Variants in ZNF567 observed in about 807,000 individuals in gnomAD.
The protein encoded by ZNF567 is zinc finger protein 567.
A neutral mutation model predicts 53.9 loss-of-function variants in ZNF567; 36 were observed. The ratio of observed to expected loss-of-function variants is 0.67; its 90% confidence interval spans 0.51 to 0.88. ZNF567 has a LOEUF of 0.88. ZNF567 is among the 40% of genes least tolerant of loss of function. The pLI is 0.00. For missense variants in ZNF567, 619 were observed against 764.7 expected (o/e 0.81, Z 2.25); for synonymous variants, 224 against 260.4 (o/e 0.86, Z 1.35).
chr19:36,717,385 A>C (rs776148941), intron 5 of ZNF567, among the ~76,000 whole-genome samples: 20 of 152,204 alleles, frequency 1.3e-4, no homozygotes, highest in Admixed American at 3.3e-4. Flanking sequence ...AATAGAAATA[A>C]ACCTGGAAGG....
chr19:36,685,313 T>C (rs940420234), upstream of ZNF567: 3 of 152,076 alleles, frequency 2.0e-5, no homozygotes, highest in African/African-American at 7.3e-5. Context: ...GAGACCAAAT[T>C]GGCTAGTTAA....
chr19:36,682,518 A>G, the ZNF567 span, among the ~76,000 whole-genome samples: 1 of 150,996 alleles, frequency 6.6e-6, no homozygotes, highest in Non-Finnish European at 1.5e-5. Context: ...GGGAAGAGAT[A>G]TGAGGGAGCC....
chr19:36,721,479 AT>A (rs2145930499), downstream of ZNF567, among the ~76,000 whole-genome samples: 1 of 152,244 alleles, frequency 6.6e-6, no homozygotes, highest in African/African-American at 2.4e-5. Flanking sequence ...CGGCTTTATA[AT>A]TGTGAGAAGG....
chr19:36,701,882 G>T (rs1481359823), intron 3 of ZNF567, among the ~76,000 whole-genome samples: 2 of 146,836 alleles, frequency 1.4e-5, no homozygotes, highest in Non-Finnish European at 3.0e-5. Flanking sequence ...TATCCAATTT[G>T]CCAGTCTGTG....
chr19:36,698,387 G>A (rs1454700680), intron 3 of ZNF567, among the ~76,000 whole-genome samples: 2 of 151,782 alleles, frequency 1.3e-5, no homozygotes, highest in Non-Finnish European at 2.9e-5. Flanking sequence ...GTAAACATAC[G>A]TGTGCATGTG....
chr19:36,723,845 A>G (rs1467886422), downstream of ZNF567, among the ~76,000 whole-genome samples: 2 of 152,112 alleles, frequency 1.3e-5, no homozygotes, highest in Non-Finnish European at 2.9e-5. Context: ...AAAAGAAAAT[A>G]TAATCATGAA....
chr19:36,704,806 A>T (rs2039409270), intron 3 of ZNF567, among the ~76,000 whole-genome samples: 1 of 152,196 alleles, frequency 6.6e-6, no homozygotes, highest in Non-Finnish European at 1.5e-5. Flanking sequence ...GTTAGAATTC[A>T]CTGTGAAGCC....
chr19:36,716,530 CT>C (rs2040073554), intron 5 of ZNF567, among the ~76,000 whole-genome samples: 1 of 152,026 alleles, frequency 6.6e-6, no homozygotes, highest in African/African-American at 2.4e-5. Flanking sequence ...AATAAGATCC[CT>C]TTTGAATCTT....
chr19:36,727,051 T>TTTA (rs1555809327), downstream of ZNF567: 5 of 120,866 alleles, frequency 4.1e-5, no homozygotes, highest in African/African-American at 1.6e-4. Context: ...AGTAGATCAA[T>TTTA]TTTATTTATT....
intron 5 of ZNF567, among the ~76,000 whole-genome samples, chr19:36,715,077 A>G (rs1350166824): frequency 6.6e-6 from 1 of 152,120 alleles, no homozygotes; most frequent in Non-Finnish European, 1.5e-5. Context: ...ACTACAGTCT[A>G]TCATCTCACC....
chr19:36,667,906 C>A, the ZNF567 span, among the ~76,000 whole-genome samples: 1 of 151,920 alleles, frequency 6.6e-6, no homozygotes, highest in African/African-American at 2.4e-5. Flanking sequence ...GCCTCGGCCT[C>A]CCAAAGTGCT....
intron 5 of ZNF567, among the ~76,000 whole-genome samples, chr19:36,713,403 G>C (rs553150693): frequency 1.3e-5 from 2 of 151,908 alleles, no homozygotes; most frequent in South Asian, 4.2e-4. Context: ...TCTGTGGTCA[G>C]CTGTGATTGC....
the ZNF567 span, among the ~76,000 whole-genome samples, chr19:36,667,292 C>T: frequency 6.6e-6 from 1 of 151,280 alleles, no homozygotes; most frequent in Non-Finnish European, 1.5e-5. Flanking sequence ...CCAAGGCGGG[C>T]GGATCACCGA....
chr19:36,689,739 C>G (rs2038496796), intron 2 of ZNF567, among the ~76,000 whole-genome samples: 1 of 152,126 alleles, frequency 6.6e-6, no homozygotes, highest in Admixed American at 6.5e-5. Context: ...TTAGCCACCT[C>G]AGTCACTTTG....
At chr19:36,679,819 T>TG in the ZNF567 span, among the ~76,000 whole-genome samples, 316 of 151,476 alleles carry the variant, frequency 2.1e-3, 1 homozygote, top group African/African-American at 7.5e-3. Flanking sequence ...TACCAAAGGT[T>TG]GGGGGGTGGG....
At chr19:36,710,832 T>G (rs1001512175) in intron 3 of ZNF567, among the ~76,000 whole-genome samples, 4 of 152,202 alleles carry the variant, frequency 2.6e-5, no homozygotes, top group African/African-American at 9.6e-5. Flanking sequence ...ATGAGCAGGT[T>G]GTGGAATACC....
chr19:36,669,381 A>G, the ZNF567 span: 1 of 152,244 alleles, frequency 6.6e-6, no homozygotes, highest in African/African-American at 2.4e-5. Context: ...ATGTGACATG[A>G]ATTAAAATCC....
At chr19:36,703,927 G>A (rs375655431) in intron 3 of ZNF567, among the ~76,000 whole-genome samples, 3 of 152,278 alleles carry the variant, frequency 2.0e-5, no homozygotes, top group South Asian at 2.1e-4. Flanking sequence ...CGCATGGTGC[G>A]CTGCACCCAC....
At chr19:36,687,116 C>T (rs1278773678), upstream of ZNF567, among the ~76,000 whole-genome samples, 3 of 152,200 alleles carry the variant, frequency 2.0e-5, no homozygotes, top group African/African-American at 4.8e-5. Flanking sequence ...ACACACACAA[C>T]ACCACAGACC....
Sources: gnomAD v4.1 joint callset for allele counts (sites outside exome capture counted in the v4.1 genomes callset) on GRCh38, gnomAD v4.1.1 for gene constraint, MANE v1.5 for transcripts, NCBI Gene and HGNC (gene_info 2026-07-23, HGNC 2026-07-21) for gene names.